The following LCK variants were observed in gnomAD, a reference collection of about 807,000 sequenced individuals.
LCK encodes the protein LCK proto-oncogene, Src family tyrosine kinase.
A neutral mutation model predicts 64.6 loss-of-function variants in LCK; 14 were observed. That is an observed-to-expected ratio of 0.22 (90% CI 0.14 to 0.34). The LOEUF is 0.34. LCK is among the 10% of genes least tolerant of loss of function. The pLI, the probability that LCK is intolerant of heterozygous loss-of-function variation, is 1.00. For missense variants in LCK, 434 were observed against 668.1 expected (o/e 0.65, Z 3.86); for synonymous variants, 277 against 263.6 (o/e 1.05, Z -0.49).
At chr1:32,267,176 C>A (rs1639947045) in intron 1 of LCK, among the ~76,000 whole-genome samples, 1 of 151,890 alleles carries the variant, frequency 6.6e-6, no homozygotes, top group Non-Finnish European at 1.5e-5. Context: ...CTATAATAGT[C>A]AAAAAGTCAT....
chr1:32,270,131 G>A (rs1299339606), intron 1 of LCK, among the ~76,000 whole-genome samples: 2 of 151,826 alleles, frequency 1.3e-5, no homozygotes, highest in Non-Finnish European at 2.9e-5. Flanking sequence ...TTTCTTTTTA[G>A]ACAGAGTCTC....
intron 1 of LCK, among the ~76,000 whole-genome samples, chr1:32,270,310 A>G (rs999992573): frequency 6.5e-5 from 9 of 138,162 alleles, no homozygotes; most frequent in Admixed American, 3.2e-4. Context: ...ATTGTTGGCC[A>G]GGCTGGTTGT....
intron 1 of LCK, among the ~76,000 whole-genome samples, chr1:32,272,994 G>A (rs985074992): frequency 6.0e-5 from 9 of 149,520 alleles, no homozygotes; most frequent in Admixed American, 3.3e-4. Context: ...GGGTGAATGC[G>A]TGTGTGTGTG....
chr1:32,286,028 C>T lies in LCK; in HGVS notation c.*312C>T. ...CCTGGGATTGACAGAAGCTTCTGCC[C>T]ACCTACTTTTCTTTCCTCAGATCAT... is the stretch of plus-strand genomic sequence containing the variant. On this transcript the variant is annotated 3_prime_UTR_variant, in exon 13 of 13. Transcript: ENST00000336890. 2 of 428,488 alleles carry T rather than the reference C, an allele frequency of 4.7e-6. No individual in the cohort carries two copies. The highest frequency in any genetic ancestry group is 8.6e-6 in the Non-Finnish European group (2 of 233,298). 26.5% of individuals were successfully genotyped at this position (428,488 alleles called of 1,614,324 possible). A position where few individuals can be genotyped will look rare whatever the true frequency, so the allele number is the denominator to read the frequency against.
In LCK at chr1:32,279,961, C is replaced by A; in HGVS notation, c.1162C>A (p.Leu388Ile). 1 of 1,614,152 alleles carries A rather than the reference C, an allele frequency of 6.2e-7. No homozygotes were observed. The highest frequency in any genetic ancestry group is 8.5e-7 in the Non-Finnish European group (1 of 1,180,040). Reference sequence around the variant, plus strand: ...GATTGCAGACTTTGGCCTAGCACGCCTCATTGAGGACAACGAGTACACAGC... The same window carrying A: ...GATTGCAGACTTTGGCCTAGCACGCATCATTGAGGACAACGAGTACACAGC... ...CKIADFGLAR[L>I]IEDNEYTARE... The change falls in exon 11 of 13, where the codon CTC (leucine) becomes ATC (isoleucine). Residue 388 changes from leucine (L) to isoleucine (I), a missense_variant. Physicochemically the swap from Leu to Ile is conservative, Grantham distance 5. This residue lies in a region of LCK where 201 missense variants were observed against 376.9 expected (regional missense o/e 0.53). Coordinates refer to ENST00000336890, the MANE Select transcript of LCK (RefSeq NM_005356.5).
At chr1:32,279,001 A>G (rs1640367846) in intron 9 of LCK, among the ~76,000 whole-genome samples, 1 of 152,052 alleles carries the variant, frequency 6.6e-6, no homozygotes, top group Non-Finnish European at 1.5e-5. Context: ...TATTCCATCC[A>G]ATATATTCAG....
chr1:32,260,725 G>C (rs369489061), intron 1 of LCK, among the ~76,000 whole-genome samples: 20 of 152,004 alleles, frequency 1.3e-4, no homozygotes, highest in African/African-American at 4.6e-4. Context: ...TGGGCTCAGC[G>C]ATCCTCCTAC....
intron 1 of LCK, among the ~76,000 whole-genome samples, chr1:32,265,829 C>G (rs1639893454): frequency 6.6e-6 from 1 of 152,116 alleles, no homozygotes. Flanking sequence ...CCTCCTCCTT[C>G]TTCTTCCTCT....
chr1:32,256,276 T>TATA (rs1639630883), intron 1 of LCK, among the ~76,000 whole-genome samples: 2 of 151,836 alleles, frequency 1.3e-5, no homozygotes, highest in South Asian at 4.2e-4. Context: ...TAGCTGGGAC[T>TATA]ATAGGCACAT....
intron 1 of LCK, among the ~76,000 whole-genome samples, chr1:32,261,795 T>C (rs544100995): frequency 6.8e-6 from 1 of 147,762 alleles, no homozygotes; most frequent in Non-Finnish European, 1.5e-5. Flanking sequence ...CTACTAAAAA[T>C]ACAAAAATTA....
Position 32,275,675 on chromosome 1 carries a change from G to T in LCK, c.481+3G>T. On this transcript the variant is annotated splice_donor_region_variant and intron_variant, in intron 6 of 12. Transcript: ENST00000336890. The surrounding 1 kb of genome is among the most constrained non-coding windows in gnomAD (Gnocchi z 6.9). ...CCGGGAGAGCGAGAGCACCGCGGGT[G>T]AGCGGGCGGCGGTCTCGACCGGGCG... 1 of 1,558,328 alleles carries T rather than the reference G, an allele frequency of 6.4e-7. No individual in the cohort carries two copies. Among genetic ancestry groups the T allele is most frequent in the Non-Finnish European group, 8.7e-7 (1 of 1,153,190 alleles).
chr1:32,265,648 A>T (rs1380260281), intron 1 of LCK, among the ~76,000 whole-genome samples: 1 of 152,118 alleles, frequency 6.6e-6, no homozygotes, highest in Non-Finnish European at 1.5e-5. Context: ...CCTGCCTTGC[A>T]TGCTTTCCTG....
intron 1 of LCK, among the ~76,000 whole-genome samples, chr1:32,267,504 T>C (rs998004652): frequency 6.6e-6 from 1 of 152,096 alleles, no homozygotes; most frequent in Non-Finnish European, 1.5e-5. Flanking sequence ...CTCACGTCTG[T>C]AGTCCCAGCA....
chr1:32,259,981 G>A lies in LCK; in HGVS notation c.-6+8610G>A, dbSNP rs115169959. ...TTTGTCATTAATCAAGTCTGGGTCG[G>A]GGCAAAGGCGAAGAAAATGTTTTAA... On this transcript the variant is annotated intron_variant, in intron 1 of 12. Coordinates refer to ENST00000336890, the MANE Select transcript of LCK (RefSeq NM_005356.5). Among the ~76,000 whole-genome samples the A allele has an allele frequency of 1.9e-3, 287 of 151,810 alleles. 3 individuals are homozygous for A. The highest frequency in any genetic ancestry group is 6.7e-3 in the African/African-American group (276 of 41,452).
chr1:32,266,958 G>C (rs1367200998), intron 1 of LCK, among the ~76,000 whole-genome samples: 8 of 149,196 alleles, frequency 5.4e-5, no homozygotes, highest in Admixed American at 4.7e-4. Flanking sequence ...GTCAAGCCTG[G>C]CAGGGACCTT....
In LCK at chr1:32,280,200, C is replaced by T. The variant is rs1333458059; in HGVS notation, c.1317C>T (p.Ile439=). 6.2e-7 allele frequency: 1 copy of T among 1,614,080 alleles called. No individual in the cohort carries two copies. The highest frequency in any genetic ancestry group is 1.7e-5 in the Admixed American group (1 of 60,010). ...CGGAAATTGTCACCCACGGCCGCAT[C>T]CCTTACCCAGGTTAGAGCCAAGGGC... ...LLTEIVTHGR[I]PYPGMTNPEV... The change falls in exon 12 of 13, where the codon ATC becomes ATT. Residue 439 remains isoleucine, a synonymous_variant. Transcript: ENST00000336890.
chr1:32,273,553 G>T (rs540294229), intron 1 of LCK, among the ~76,000 whole-genome samples: 2 of 152,112 alleles, frequency 1.3e-5, no homozygotes, highest in Non-Finnish European at 2.9e-5. Context: ...AGAGAAGGAG[G>T]AGCTGCAGGG....
At chr1:32,268,675 T>C (rs963998312) in intron 1 of LCK, among the ~76,000 whole-genome samples, 5 of 151,002 alleles carry the variant, frequency 3.3e-5, no homozygotes, top group Non-Finnish European at 7.4e-5. Context: ...TAGCCGGGCG[T>C]GGTGGCACAT....
chr1:32,260,240 T>C (rs1200469640), intron 1 of LCK, among the ~76,000 whole-genome samples: 2 of 152,126 alleles, frequency 1.3e-5, no homozygotes, highest in East Asian at 3.9e-4. Context: ...CTCGATCTCT[T>C]GACCTCATGA....
Sources: gnomAD v4.1 joint callset for allele counts (sites outside exome capture counted in the v4.1 genomes callset) on GRCh38, gnomAD v4.1.1 for gene constraint, gnomAD v4.1.1 regional missense constraint, Gnocchi (gnomAD v3.1) non-coding constraint, MANE v1.5 for transcripts, NCBI Gene and HGNC (gene_info 2026-07-23, HGNC 2026-07-21) for gene names.